Variants in CHST9 observed in about 807,000 individuals in gnomAD.
The protein encoded by CHST9 is GalNAc-4-sulfotransferase 2.
CHST9 carries 41 observed loss-of-function variants against 44.4 expected under a neutral mutation model. That is an observed-to-expected ratio of 0.92 (90% CI 0.72 to 1.20). CHST9 has a LOEUF of 1.20. Ranked by LOEUF, CHST9 falls within the 50% of genes most tolerant of loss-of-function variation. The probability of loss-of-function intolerance (pLI) is 0.00; values close to 1 mark genes in which losing one functional copy is unlikely to be tolerated. For synonymous variants in CHST9, 171 were observed against 178.4 expected, an observed-to-expected ratio of 0.96 and a Z score of 0.33; for missense variants, 504 against 516.5, an observed-to-expected ratio of 0.98 and a Z score of 0.23.
At position 27,156,160 on chromosome 18, in the gene CHST9, C is replaced by CA. The variant is rs11299491; in HGVS notation, c.-96-13256dup. Among the ~76,000 whole-genome samples the CA allele has an allele frequency of 1.0e-3, 140 of 138,698 alleles. 1 individual carries two copies. The highest frequency in any genetic ancestry group is 7.4e-3 in the Middle Eastern group (2 of 272). 91.0% of individuals were successfully genotyped at this position (138,698 alleles called of 152,430 possible). On this transcript the variant is annotated intron_variant, in intron 1 of 5. Coordinates refer to ENST00000618847, the MANE Select transcript of CHST9 (RefSeq NM_031422.6). ...ATGAGGGTTAACTATGAAATATGGC[C>CA]AAAAAAAAAAACAGTGAAAAAAGAT...
chr18:26,991,638 G>A (rs1294377694), intron 4 of CHST9, among the ~76,000 whole-genome samples: 2 of 151,828 alleles, frequency 1.3e-5, no homozygotes, highest in African/African-American at 2.4e-5. Flanking sequence ...TAGGGAAACA[G>A]GAGGAAGCAG....
At chr18:27,002,560 C>T (rs1297948964) in intron 4 of CHST9, among the ~76,000 whole-genome samples, 3 of 152,104 alleles carry the variant, frequency 2.0e-5, no homozygotes, top group East Asian at 1.9e-4. Context: ...ATATTCAACA[C>T]GTAATTGTGA....
chr18:27,127,241 T>G (rs2058432045), intron 2 of CHST9, among the ~76,000 whole-genome samples: 1 of 152,156 alleles, frequency 6.6e-6, no homozygotes, highest in South Asian at 2.1e-4. Context: ...AGGGTAGAAC[T>G]CTGAAGAACA....
At chr18:27,161,064 C>G (rs1050897932) in intron 1 of CHST9, among the ~76,000 whole-genome samples, 1 of 152,076 alleles carries the variant, frequency 6.6e-6, no homozygotes, top group African/African-American at 2.4e-5. Flanking sequence ...AAAACCAGCT[C>G]CTGGATTCAT....
rs917289827 is a variant in CHST9 at position 26,909,268 on chromosome 18, G to C, written c.*6991C>G. 3 of 152,216 alleles carry C rather than the reference G, an allele frequency of 2.0e-5. No individual in the cohort carries two copies. Among genetic ancestry groups the C allele is most frequent in the Admixed American group, 1.3e-4 (2 of 15,278 alleles). 9.4% of individuals were successfully genotyped at this position (152,216 alleles called of 1,614,324 possible). A position where few individuals can be genotyped will look rare whatever the true frequency, so the allele number is the denominator to read the frequency against. The stretch of plus-strand genomic sequence containing the variant: ...TTTCAACACAGTGACAGAATGAAAA[G>C]AGCAGGTTGTATTATCATTTATAAT... On this transcript the variant is annotated 3_prime_UTR_variant, in exon 6 of 6. Coordinates refer to ENST00000618847, the MANE Select transcript of CHST9 (RefSeq NM_031422.6).
At chr18:26,954,265 T>C (rs138910851) in intron 4 of CHST9, among the ~76,000 whole-genome samples, 4 of 152,270 alleles carry the variant, frequency 2.6e-5, no homozygotes, top group African/African-American at 7.2e-5. Context: ...AAGGGGCCAA[T>C]GACAGGGTGG....
chr18:27,097,773 AG>A (rs1221744426), intron 2 of CHST9, among the ~76,000 whole-genome samples: 1 of 152,094 alleles, frequency 6.6e-6, no homozygotes, highest in Admixed American at 6.5e-5. Flanking sequence ...GATGTAAGGA[AG>A]GGGTCCAGTT....
intron 2 of CHST9, among the ~76,000 whole-genome samples, chr18:27,086,448 C>A (rs1023977804): frequency 2.6e-5 from 4 of 152,154 alleles, no homozygotes; most frequent in South Asian, 2.1e-4. Context: ...AAGAATAATA[C>A]TCATTCCTAA....
chr18:27,036,464 A>G (rs138149439), intron 3 of CHST9, among the ~76,000 whole-genome samples: 22 of 152,338 alleles, frequency 1.4e-4, no homozygotes, highest in African/African-American at 5.3e-4. Context: ...CAGGGTTTCT[A>G]TAGAAGGAAA....
Position 26,916,678 on chromosome 18 carries a change from A to C in CHST9, c.913T>G (p.Phe305Val), listed in dbSNP as rs1165009094. The C allele has an allele frequency of 6.2e-7, 1 of 1,613,758 alleles. No individual in the cohort carries two copies. Among genetic ancestry groups the C allele is most frequent in the African/African-American group, 1.3e-5 (1 of 74,874 alleles). The change falls in exon 6 of 6, where the codon TTC becomes GTC. Residue 305 changes from phenylalanine to valine, a missense_variant. By Grantham distance (50) the Phe-to-Val change is conservative (BLOSUM62 -1). Transcript: ENST00000618847. ...EHPNSYYHPV[F>V]GKAIIKKYRP... is the part of the protein sequence containing the mutation. ...TATTTCTTGATAATTGCCTTTCCGA[A>C]TACTGGATGGTAATAACTATTGGGG... is the stretch of plus-strand genomic sequence containing the variant.
intron 3 of CHST9, 66 bp from the exon 4 acceptor site, chr18:27,024,223 T>G (rs373986593): frequency 2.3e-6 from 3 of 1,312,618 alleles, no homozygotes; most frequent in Non-Finnish European, 3.2e-6. Context: ...TAAAACTTTC[T>G]ACACAAAGAT....
At chr18:26,931,031 T>TA (rs1459267749) in intron 5 of CHST9, among the ~76,000 whole-genome samples, 1 of 152,134 alleles carries the variant, frequency 6.6e-6, no homozygotes, top group Non-Finnish European at 1.5e-5. Flanking sequence ...ACAGCAATGC[T>TA]AACCACAATA....
chr18:27,165,393 A>G (rs2058782359), intron 1 of CHST9, among the ~76,000 whole-genome samples: 2 of 152,214 alleles, frequency 1.3e-5, no homozygotes, highest in Non-Finnish European at 2.9e-5. Context: ...TCTAAACAAA[A>G]TGGCATCACT....
intron 3 of CHST9, among the ~76,000 whole-genome samples, chr18:27,027,941 C>T (rs1175736557): frequency 1.3e-5 from 2 of 152,008 alleles, no homozygotes; most frequent in Admixed American, 1.3e-4. Flanking sequence ...GCTCTGTTGC[C>T]CAAGCAGGAA....
chr18:27,094,598 T>C (rs77282572), intron 2 of CHST9, among the ~76,000 whole-genome samples: 13 of 152,204 alleles, frequency 8.5e-5, no homozygotes, highest in Non-Finnish European at 1.9e-4. Flanking sequence ...TGATGTTTCA[T>C]TTTAAATATA....
chr18:27,053,382 C>T (rs2057612264), intron 2 of CHST9, among the ~76,000 whole-genome samples: 1 of 151,268 alleles, frequency 6.6e-6, no homozygotes. Context: ...ACTGCTCATC[C>T]TTGGTGTCTG....
At chr18:27,090,665 G>A (rs991706237) in intron 2 of CHST9, among the ~76,000 whole-genome samples, 4 of 152,136 alleles carry the variant, frequency 2.6e-5, no homozygotes, top group Admixed American at 2.6e-4. Context: ...TCTACATATG[G>A]CAAGCCAGTT....
chr18:27,152,069 G>A (rs1247395796), intron 1 of CHST9, among the ~76,000 whole-genome samples: 2 of 152,116 alleles, frequency 1.3e-5, no homozygotes, highest in Non-Finnish European at 2.9e-5. Context: ...GGCTATTCCT[G>A]TAATAACTCA....
In CHST9 at chr18:27,147,759, T is replaced by C. The variant is rs200324353; in HGVS notation, c.-96-4854A>G. 2.0e-5 allele frequency: 3 copies of C among 152,246 alleles called. No homozygotes were observed. In the East Asian group the frequency reaches 5.8e-4, roughly 29 times the overall value. The allele number at this position is 152,246 out of a possible 1,614,324, so 9.4% of individuals were successfully genotyped here. A position where few individuals can be genotyped will look rare whatever the true frequency, so the allele number is the denominator to read the frequency against. Reference sequence around the variant, plus strand: ...GTCCGATCTTATCCTCTACGTCTTTTCTCAGTGACACCTTCCTCTGTAAAC... The same window carrying C: ...GTCCGATCTTATCCTCTACGTCTTTCCTCAGTGACACCTTCCTCTGTAAAC... On this transcript the variant is annotated intron_variant, in intron 1 of 5. Coordinates refer to ENST00000618847, the MANE Select transcript of CHST9 (RefSeq NM_031422.6).
Sources: gnomAD v4.1 joint callset for allele counts (sites outside exome capture counted in the v4.1 genomes callset) on GRCh38, gnomAD v4.1.1 for gene constraint, MANE v1.5 for transcripts, NCBI Gene and HGNC (gene_info 2026-07-23, HGNC 2026-07-21) for gene names.